The following MACF1 variants were observed in gnomAD, a reference collection of about 807,000 sequenced individuals.
MACF1 encodes microtubule actin crosslinking factor 1, also known as microtubule-actin cross-linking factor 1.
In MACF1, 193 loss-of-function variants were observed where a neutral mutation model predicts 854.8. That is an observed-to-expected ratio of 0.23 (90% CI 0.20 to 0.25). MACF1 has a LOEUF of 0.25. Among genes scored for constraint, MACF1 ranks in the 10% least tolerant of loss-of-function variants. The pLI, the probability that MACF1 is intolerant of heterozygous loss-of-function variation, is 1.00. For missense variants in MACF1, 7,722 were observed against 8,929.1 expected (o/e 0.86, Z 5.45); for synonymous variants, 3,185 against 3,226.7 (o/e 0.99, Z 0.44).
intron 2 of MACF1, among the ~76,000 whole-genome samples, chr1:39,245,340 A>G (rs1644970943): frequency 6.6e-6 from 1 of 152,052 alleles, no homozygotes; most frequent in African/African-American, 2.4e-5. Flanking sequence ...CCCAGGCTGG[A>G]ATGCAGTGGT....
At position 39,116,221 on chromosome 1, in the gene MACF1, T is replaced by C. The variant is rs191529215; in HGVS notation, c.220+31783T>C. On this transcript the variant is annotated intron_variant, in intron 2 of 93. Coordinates refer to the MACF1 transcript ENST00000361689. The stretch of plus-strand genomic sequence containing the variant: ...CTCTAGAGTCAAAAGTTGTGTCTTT[T>C]AGAAAGATCAGAGGGTTAAAAATAA... Among the ~76,000 whole-genome samples the C allele has an allele frequency of 1.7e-4, 26 of 152,318 alleles. 1 individual carries two copies. The East Asian group carries it at 4.4e-3, about 26-fold the overall frequency.
chr1:39,255,182 A>G (rs543150615), intron 5 of MACF1, among the ~76,000 whole-genome samples: 108 of 152,212 alleles, frequency 7.1e-4, no homozygotes, highest in Admixed American at 9.8e-4. Context: ...TCCACTATCC[A>G]TGCTGCTTTC....
rs35489653 is a variant in MACF1 at position 39,300,507 on chromosome 1, T to TA, written c.2634+156dup. 377,603 of 533,714 alleles carry TA rather than the reference T, an allele frequency of 0.71. 113,587 individuals are homozygous for TA. Among genetic ancestry groups the TA allele is most frequent in the African/African-American group, 0.84 (42,127 of 50,088 alleles). The allele number at this position is 533,714 out of a possible 1,614,324, so 33.1% of individuals were successfully genotyped here. ...ACATGCTGAAGTCTCTCCTATCATTTAAAAAAAAAAACTAAACTAAAAACT... is the reference window on the plus strand; with the variant it reads ...ACATGCTGAAGTCTCTCCTATCATTTAAAAAAAAAAAACTAAACTAAAAACT... On this transcript the variant is annotated intron_variant, in intron 22 of 100. Coordinates refer to ENST00000564288, the MANE Select transcript of MACF1 (RefSeq NM_001394062.1).
Position 39,379,409 on chromosome 1 carries a change from A to T in MACF1, c.13483A>T (p.Thr4495Ser), listed in dbSNP as rs763675305. Reference protein sequence around the residue: ...SMDAMSSPTKTETVKAQAESN... With the variant: ...SMDAMSSPTKSETVKAQAESN... ...GGATGCCATGTCATCTCCAACCAAG[A>T]CAGAAACAGTGAAAGCCCAAGCTGA... Residue 4495 changes from threonine (T) to serine (S), a missense_variant, in exon 54 of 101, where the codon ACA becomes TCA. Coordinates refer to ENST00000564288, the MANE Select transcript of MACF1 (RefSeq NM_001394062.1). 1.9e-6 allele frequency: 3 copies of T among 1,614,066 alleles called. No individual in the cohort carries two copies. The highest frequency in any genetic ancestry group is 2.5e-6 in the Non-Finnish European group (3 of 1,179,994).
intron 2 of MACF1, among the ~76,000 whole-genome samples, chr1:39,247,705 A>C (rs1644997875): frequency 1.3e-5 from 2 of 152,326 alleles, no homozygotes; most frequent in Non-Finnish European, 2.9e-5. Context: ...GACTTAAGAA[A>C]GTGATGGGGA....
intron 21 of MACF1, 102 bp from the exon 22 acceptor site, chr1:39,300,108 G>A: frequency 8.4e-7 from 1 of 1,195,784 alleles, no homozygotes; most frequent in Non-Finnish European, 1.2e-6. Flanking sequence ...TTAACTGAGA[G>A]ATGACATTCT....
At chr1:39,166,211 G>A (rs1643880625) in intron 2 of MACF1, among the ~76,000 whole-genome samples, 1 of 151,164 alleles carries the variant, frequency 6.6e-6, no homozygotes, top group South Asian at 2.1e-4. Flanking sequence ...GGGATTATAG[G>A]CGTGTGCCAC....
upstream of MACF1, among the ~76,000 whole-genome samples, chr1:39,202,246 G>A (rs376135114): frequency 1.2e-4 from 18 of 150,456 alleles, no homozygotes; most frequent in East Asian, 1.2e-3. Flanking sequence ...GATTACAGGC[G>A]TGAGCCACCA....
Position 39,084,371 on chromosome 1 carries a change from G to A in MACF1, c.153G>A (p.Glu51=). The change falls in exon 2 of 94, where the codon GAG becomes GAA. Residue 51 remains glutamate, a synonymous_variant. Coordinates refer to the MACF1 transcript ENST00000361689. This position sits in a 1 kb window ranked among gnomAD's most constrained non-coding sequence, Gnocchi z 5.2. Reference sequence around the variant, plus strand: ...TGCCCTGGAACCTGCCACTGCATGAGCAGAAAAAGCGGAAAAGCCAGGATT... The same window carrying A: ...TGCCCTGGAACCTGCCACTGCATGAACAGAAAAAGCGGAAAAGCCAGGATT... 6.2e-7 allele frequency: 1 copy of A among 1,613,678 alleles called. No homozygotes were observed. Among genetic ancestry groups the A allele is most frequent in the Non-Finnish European group, 8.5e-7 (1 of 1,180,022 alleles).
At chr1:39,126,772 G>A (rs1462172316) in intron 2 of MACF1, among the ~76,000 whole-genome samples, 1 of 151,346 alleles carries the variant, frequency 6.6e-6, no homozygotes, top group Non-Finnish European at 1.5e-5. Flanking sequence ...GGGCAACAGA[G>A]CAAGACTCTG....
chr1:39,442,363 C>G lies in MACF1; in HGVS notation c.18948+43C>G, dbSNP rs74066799. The G allele has an allele frequency of 2.9e-3, 4,700 of 1,605,070 alleles. 89 individuals are homozygous for G. In the African/African-American group the frequency reaches 0.051, roughly 18 times the overall value. ...TGACATCAGTGAACTACTCTCCGCT[C>G]TTTTCTAATTTCGTATTGAATATTC... On this transcript the variant is annotated intron_variant, in intron 76 of 100. Transcript: ENST00000564288.
Position 39,293,542 on chromosome 1 carries a change from G to C in MACF1, c.2077G>C (p.Glu693Gln), listed in dbSNP as rs746893564. The C allele has an allele frequency of 6.2e-7, 1 of 1,614,060 alleles. No individual in the cohort carries two copies. Among genetic ancestry groups the C allele is most frequent in the Non-Finnish European group, 8.5e-7 (1 of 1,179,930 alleles). The change falls in exon 18 of 101, where the codon GAG becomes CAG. Residue 693 changes from glutamate to glutamine, a missense_variant. Coordinates refer to ENST00000564288, the MANE Select transcript of MACF1 (RefSeq NM_001394062.1). ...TACAGCTGAGTTGATCTGGTTGAAT[G>C]AGAAGGAGGAGGAGGAACTAGCATA... ...RATAELIWLN[E>Q]KEEEELAYDW... is the part of the protein sequence containing the mutation.
intron 2 of MACF1, among the ~76,000 whole-genome samples, chr1:39,185,683 TA>T (rs1323250071): frequency 6.6e-6 from 1 of 152,176 alleles, no homozygotes; most frequent in African/African-American, 2.4e-5. Context: ...ACAATATTAC[TA>T]GGTACACTGT....
intron 2 of MACF1, among the ~76,000 whole-genome samples, chr1:39,244,859 G>A (rs1644965053): frequency 1.3e-5 from 2 of 152,032 alleles, no homozygotes; most frequent in Non-Finnish European, 2.9e-5. Flanking sequence ...GATTACAGGC[G>A]TGAGCCACCA....
rs145984252 is a variant in MACF1 at position 39,345,703 on chromosome 1, A to G, written c.10582-1274A>G. Among the ~76,000 whole-genome samples, 988 of 152,352 alleles carry G rather than the reference A, an allele frequency of 6.5e-3. 13 individuals carry two copies. Among genetic ancestry groups the G allele is most frequent in the African/African-American group, 0.022 (929 of 41,576 alleles). ...CATTGCTGGACAGATACAAATAGAAATTTGAACCTAAGAAAGTACAATTAG... is the reference window on the plus strand; with the variant it reads ...CATTGCTGGACAGATACAAATAGAAGTTTGAACCTAAGAAAGTACAATTAG... On this transcript the variant is annotated intron_variant, in intron 40 of 100. Coordinates refer to ENST00000564288, the MANE Select transcript of MACF1 (RefSeq NM_001394062.1).
chr1:39,383,668 G>A (rs1471687868), intron 56 of MACF1, among the ~76,000 whole-genome samples: 2 of 152,200 alleles, frequency 1.3e-5, no homozygotes, highest in Non-Finnish European at 2.9e-5. Flanking sequence ...ACGAGGTCAG[G>A]AGATCGAGAC....
At chr1:39,469,158 CT>C (rs758774903) in intron 96 of MACF1, among the ~76,000 whole-genome samples, 4 of 152,270 alleles carry the variant, frequency 2.6e-5, no homozygotes, top group East Asian at 3.9e-4. Flanking sequence ...GGTGAGCCCC[CT>C]GGACCAGGAG....
chr1:39,479,270 C>T (rs1033004790), intron 97 of MACF1, among the ~76,000 whole-genome samples: 4 of 152,162 alleles, frequency 2.6e-5, no homozygotes, highest in Non-Finnish European at 5.9e-5. Context: ...ATGATTCTCT[C>T]CTGATCTTTT....
chr1:39,127,540 C>G (rs1190334594), intron 2 of MACF1, among the ~76,000 whole-genome samples: 1 of 152,168 alleles, frequency 6.6e-6, no homozygotes, highest in Non-Finnish European at 1.5e-5. Flanking sequence ...TTCTCTCACC[C>G]AGTAAATGGT....
Sources: allele counts gnomAD v4.1 joint callset (sites outside exome capture counted in the v4.1 genomes callset), GRCh38; gene constraint gnomAD v4.1.1; non-coding constraint Gnocchi (gnomAD v3.1); transcripts MANE v1.5; gene names NCBI Gene and HGNC (gene_info 2026-07-23, HGNC 2026-07-21).